KLHL2: variants seen among roughly 807,000 people sequenced by gnomAD.
KLHL2 encodes kelch-like protein 2.
KLHL2 carries 15 observed loss-of-function variants against 75.8 expected under a neutral mutation model. The ratio of observed to expected loss-of-function variants is 0.20; its 90% CI spans 0.13 to 0.30. The LOEUF (loss-of-function observed/expected upper bound fraction) is 0.30, where lower values mean the gene tolerates loss of function less well. Among genes scored for constraint, KLHL2 ranks in the 10% least tolerant of loss-of-function variants. KLHL2 has a pLI of 1.00. For missense variants in KLHL2, 381 were observed against 741.0 expected, an observed-to-expected ratio of 0.51 and a Z score of 5.64; for synonymous variants, 214 against 251.9, an observed-to-expected ratio of 0.85 and a Z score of 1.42.
intron 5 of KLHL2, chr4:165,278,038 T>C (rs751024494): frequency 2.0e-6 from 3 of 1,512,322 alleles, no homozygotes; most frequent in Non-Finnish European, 2.8e-6. Context: ...TGCTACTCAC[T>C]ATAAAAAAGC....
At chr4:165,298,988 T>G (rs903613267) in intron 7 of KLHL2, among the ~76,000 whole-genome samples, 2 of 123,716 alleles carry the variant, frequency 1.6e-5, no homozygotes, top group African/African-American at 6.2e-5. Context: ...AAGCCTGTCC[T>G]GCGTTTGAGG....
intron 1 of KLHL2, chr4:165,208,648 G>T (rs1021081434): frequency 6.7e-6 from 1 of 149,484 alleles, no homozygotes; most frequent in Non-Finnish European, 1.5e-5. Context: ...CAGAACAAGG[G>T]TTTTTTTTTT....
Position 165,317,935 on chromosome 4 carries a change from G to A in KLHL2, c.1719G>A (p.Val573=), listed in dbSNP as rs771957341. 1 of 1,613,982 alleles carries A rather than the reference G, an allele frequency of 6.2e-7. No individual in the cohort carries two copies. The highest frequency in any genetic ancestry group is 8.5e-7 in the Non-Finnish European group (1 of 1,179,908). Residue 573 remains valine (V), a synonymous_variant, in exon 14 of 15, where the codon GTG becomes GTA. Coordinates refer to ENST00000226725, the MANE Select transcript of KLHL2 (RefSeq NM_007246.4). ...YNPTTDKWTV[V]SSCMSTGRSY... ...CAACAACCGATAAATGGACAGTTGT[G>A]TCATCGTGTATGAGCACAGGGAGAA...
At chr4:165,249,397 T>C (rs938439678) in intron 4 of KLHL2, among the ~76,000 whole-genome samples, 19 of 152,174 alleles carry the variant, frequency 1.2e-4, no homozygotes, top group African/African-American at 4.1e-4. Context: ...TCTCAGGACC[T>C]AGATACCTAA....
chr4:165,210,495 A>G (rs1299721210), intron 1 of KLHL2, among the ~76,000 whole-genome samples: 1 of 152,076 alleles, frequency 6.6e-6, no homozygotes, highest in African/African-American at 2.4e-5. Context: ...TCGTTGGACT[A>G]TATATTTGTG....
chr4:165,321,900 A>G (rs1443606363), intron 14 of KLHL2, 132 bp from the exon 15 acceptor site: 1 of 689,570 alleles, frequency 1.5e-6, no homozygotes, highest in Non-Finnish European at 2.4e-6. Flanking sequence ...ACTAAAGTTT[A>G]AGAAAGAGAT....
intron 4 of KLHL2, among the ~76,000 whole-genome samples, chr4:165,248,676 CAA>C (rs969764195): frequency 2.0e-5 from 3 of 152,076 alleles, no homozygotes; most frequent in South Asian, 2.1e-4. Context: ...AAATTAGAGA[CAA>C]GAGTAGGAAA....
chr4:165,212,776 C>CT (rs895076027), intron 1 of KLHL2, among the ~76,000 whole-genome samples: 48 of 152,216 alleles, frequency 3.2e-4, no homozygotes, highest in African/African-American at 1.1e-3. Flanking sequence ...TGTTGTATCA[C>CT]TTTTTTCTGT....
chr4:165,263,734 A>G (rs1354836343), intron 5 of KLHL2, among the ~76,000 whole-genome samples: 1 of 151,422 alleles, frequency 6.6e-6, no homozygotes, highest in East Asian at 1.9e-4. Flanking sequence ...TTTTCTTTCA[A>G]ATTGTTAAAT....
intron 5 of KLHL2, among the ~76,000 whole-genome samples, chr4:165,285,427 A>G (rs1744014481): frequency 6.6e-6 from 1 of 151,952 alleles, no homozygotes; most frequent in East Asian, 1.9e-4. Flanking sequence ...TTTTTTTGAG[A>G]TGGAGTTTCG....
intron 7 of KLHL2, among the ~76,000 whole-genome samples, chr4:165,298,954 C>A (rs1177641634): frequency 7.6e-5 from 11 of 144,218 alleles, no homozygotes; most frequent in Non-Finnish European, 1.4e-4. Context: ...CCCTCCCCCC[C>A]CAGAAAAAAG....
intron 4 of KLHL2, among the ~76,000 whole-genome samples, chr4:165,245,504 G>A (rs1161039035): frequency 2.0e-5 from 3 of 152,302 alleles, no homozygotes; most frequent in Non-Finnish European, 4.4e-5. Context: ...TATTGAGATT[G>A]TGGAGGGTCT....
chr4:165,271,106 T>C (rs996665699), intron 5 of KLHL2, among the ~76,000 whole-genome samples: 3 of 152,214 alleles, frequency 2.0e-5, no homozygotes, highest in Non-Finnish European at 4.4e-5. Context: ...TTGTTCTTTT[T>C]GCTTAGGATT....
intron 5 of KLHL2, among the ~76,000 whole-genome samples, chr4:165,281,839 G>A (rs1236299063): frequency 4.6e-5 from 7 of 152,122 alleles, no homozygotes; most frequent in Admixed American, 6.5e-5. Context: ...TGTGTTTAAC[G>A]TATATAGCAT....
At chr4:165,312,515 T>G (rs1289178207) in intron 11 of KLHL2, among the ~76,000 whole-genome samples, 2 of 152,128 alleles carry the variant, frequency 1.3e-5, no homozygotes. Context: ...AAAAACAGCT[T>G]TATTGTGATA....
chr4:165,265,940 G>A (rs1424072603), intron 5 of KLHL2, among the ~76,000 whole-genome samples: 1 of 152,160 alleles, frequency 6.6e-6, no homozygotes, highest in Non-Finnish European at 1.5e-5. Context: ...CCCACCAACA[G>A]TGTAAAAGCA....
chr4:165,264,034 T>TC (rs1741942268), intron 5 of KLHL2, among the ~76,000 whole-genome samples: 1 of 152,094 alleles, frequency 6.6e-6, no homozygotes. Flanking sequence ...TAGCTGCTCT[T>TC]CAGGCCCTTC....
chr4:165,278,632 A>G, intron 5 of KLHL2: 1 of 1,591,772 alleles, frequency 6.3e-7, no homozygotes, highest in Non-Finnish European at 8.6e-7. Flanking sequence ...AGGTCTTTAT[A>G]ATTCCAAGAT....
At chr4:165,271,452 G>A (rs1579087943) in intron 5 of KLHL2, among the ~76,000 whole-genome samples, 1 of 152,110 alleles carries the variant, frequency 6.6e-6, no homozygotes. Context: ...TTCTCAGCTT[G>A]GTCATTGTTC....
Sources: gnomAD v4.1 joint callset for allele counts (sites outside exome capture counted in the v4.1 genomes callset) on GRCh38, gnomAD v4.1.1 for gene constraint, MANE v1.5 for transcripts, NCBI Gene and HGNC (gene_info 2026-07-23, HGNC 2026-07-21) for gene names.